FREM1: variants seen among roughly 807,000 people sequenced by gnomAD.
FREM1 encodes FRAS1 related extracellular matrix 1.
In FREM1, 220 loss-of-function variants were observed where a neutral mutation model predicts 210.1. The ratio of observed to expected loss-of-function variants is 1.05; its 90% CI spans 0.94 to 1.17. FREM1 has a LOEUF of 1.17. Among genes scored for constraint, FREM1 ranks in the 50% most tolerant of loss-of-function variants. FREM1 has a pLI of 0.00. For synonymous variants in FREM1, 1,189 were observed against 980.2 expected, an observed-to-expected ratio of 1.21 and a Z score of -3.98; for missense variants, 3,454 against 2,675.5, an observed-to-expected ratio of 1.29 and a Z score of -6.42.
At chr9:14,779,262 T>A (rs1849254484) in intron 24 of FREM1, among the ~76,000 whole-genome samples, 1 of 152,232 alleles carries the variant, frequency 6.6e-6, no homozygotes, top group African/African-American at 2.4e-5. Flanking sequence ...CTGTATCAAG[T>A]GTGCTCTGTG....
At chr9:14,746,319 A>G in intron 35 of FREM1, 34 bp downstream of exon 35, 1 of 1,439,324 alleles carries the variant, frequency 6.9e-7, no homozygotes, top group Non-Finnish European at 9.7e-7. Context: ...AGAGAAAAGA[A>G]AACACCAATC....
chr9:14,836,905 A>T lies in FREM1; in HGVS notation c.1881+4542T>A, dbSNP rs10810266. ...TGTGGTAGGAGTTATTAAGAAAAAG[A>T]AATTATTTTATGCAGATAGAGAGGA... On this transcript the variant is annotated intron_variant, in intron 10 of 36. Coordinates refer to ENST00000380880, the MANE Select transcript of FREM1 (RefSeq NM_001379081.2). The surrounding 1 kb of genome is among the most constrained non-coding windows in gnomAD (Gnocchi z 4.9). Among the ~76,000 whole-genome samples the T allele has an allele frequency of 0.059, 9,042 of 152,260 alleles. 476 individuals are homozygous for T. Among genetic ancestry groups the T allele is most frequent in the East Asian group, 0.25 (1,267 of 5,162 alleles).
Position 14,812,814 on chromosome 9 carries a change from G to C in FREM1, c.2891C>G (p.Thr964Arg), listed in dbSNP as rs780914696. 9.3e-6 allele frequency: 15 copies of C among 1,604,908 alleles called. No individual in the cohort carries two copies. The African/African-American group carries it at 1.9e-4, about 20-fold the overall frequency. The change falls in exon 16 of 37, where the codon ACA becomes AGA. Residue 964 changes from threonine to arginine, a missense_variant and splice_region_variant. Thr to Arg is a moderately conservative substitution (Grantham distance 71, BLOSUM62 -1). Transcript: ENST00000380880. ...CTGGTCACCATGCTGCTGCTTACCT[G>C]TGTGTTTGTATGTCACGGCCTCTGA... ...VISEAVTYKH[T>R]GGEIGLMPCF...
rs747957307 is a variant in FREM1 at position 14,769,779 on chromosome 9, C to A, written c.5149G>T (p.Asp1717Tyr). The stretch of plus-strand genomic sequence containing the variant: ...TCCATGATTTGAAATTCCACGGTAT[C>A]TGAATTTACTTCCAAAGATGGGTTT... ...IINPSLEVNS[D>Y]TVEFQIMDPT... The change falls in exon 27 of 37, where the codon GAT becomes TAT. Residue 1717 changes from aspartate to tyrosine, a missense_variant. Coordinates refer to ENST00000380880, the MANE Select transcript of FREM1 (RefSeq NM_001379081.2). 1.2e-6 allele frequency: 2 copies of A among 1,610,068 alleles called. No individual in the cohort carries two copies. Among genetic ancestry groups the A allele is most frequent in the Non-Finnish European group, 1.7e-6 (2 of 1,176,854 alleles).
chr9:14,781,946 C>G (rs1291523107), intron 24 of FREM1, among the ~76,000 whole-genome samples: 3 of 152,230 alleles, frequency 2.0e-5, no homozygotes, highest in African/African-American at 7.2e-5. Flanking sequence ...CTCAGGTGAT[C>G]CACCTGCCTC....
At position 14,852,167 on chromosome 9, in the gene FREM1, G is replaced by A. The variant is rs143896307; in HGVS notation, c.829-560C>T. Among the ~76,000 whole-genome samples the A allele has an allele frequency of 2.0e-5, 3 of 152,268 alleles. No homozygotes were observed. In the East Asian group the frequency reaches 5.8e-4, roughly 29 times the overall value. On this transcript the variant is annotated intron_variant, in intron 5 of 36. Coordinates refer to ENST00000380880, the MANE Select transcript of FREM1 (RefSeq NM_001379081.2). The stretch of plus-strand genomic sequence containing the variant: ...GGCAGGAGAAGGATGAAGGAAATAT[G>A]TCTTTATGATTTGGTTCTCATGCAA...
At chr9:14,870,752 C>A (rs1832504319) in intron 1 of FREM1, among the ~76,000 whole-genome samples, 1 of 151,348 alleles carries the variant, frequency 6.6e-6, no homozygotes, top group Non-Finnish European at 1.5e-5. Flanking sequence ...GTGCTGCACC[C>A]ATTAACTCGT....
Position 14,797,559 on chromosome 9 carries a change from T to C in FREM1, c.3778A>G (p.Ile1260Val). Residue 1260 changes from isoleucine (I) to valine (V), a missense_variant, in exon 21 of 37, where the codon ATA (isoleucine) becomes GTA (valine). Transcript: ENST00000380880. Reference protein sequence around the residue: ...TIQLSDGKHKILKTISVEVIP... With the variant: ...TIQLSDGKHKVLKTISVEVIP... ...ACCTCTACTGAAATGGTTTTAAGTA[T>C]CTTATGTTTCCCATCTGACAATTGG... 6.2e-7 allele frequency: 1 copy of C among 1,612,386 alleles called. No individual in the cohort carries two copies. Among genetic ancestry groups the C allele is most frequent in the Non-Finnish European group, 8.5e-7 (1 of 1,178,480 alleles).
intron 3 of FREM1, among the ~76,000 whole-genome samples, chr9:14,861,210 TACATATATAC>T (rs754819352): frequency 0.035 from 2,783 of 79,950 alleles, 376 homozygotes; most frequent in Non-Finnish European, 0.047. Flanking sequence ...TACACACATA[TACATATATAC>T]ACATATATAC....
At chr9:14,780,692 A>C (rs1849521390) in intron 24 of FREM1, among the ~76,000 whole-genome samples, 1 of 152,198 alleles carries the variant, frequency 6.6e-6, no homozygotes, top group African/African-American at 2.4e-5. Context: ...CATAGCTTAC[A>C]TTAAAAATGG....
chr9:14,856,025 T>C (rs1217553806), intron 5 of FREM1, among the ~76,000 whole-genome samples: 2 of 152,162 alleles, frequency 1.3e-5, no homozygotes, highest in African/African-American at 4.8e-5. Flanking sequence ...CACTATAAAA[T>C]AGGAAGCTTG....
At chr9:14,909,070 C>T (rs1355831409) in intron 1 of FREM1, among the ~76,000 whole-genome samples, 1 of 152,108 alleles carries the variant, frequency 6.6e-6, no homozygotes, top group African/African-American at 2.4e-5. Context: ...TTCTGTGAAG[C>T]AGCACCACAG....
chr9:14,887,011 T>G (rs933825854), intron 1 of FREM1, among the ~76,000 whole-genome samples: 1 of 152,094 alleles, frequency 6.6e-6, no homozygotes, highest in Non-Finnish European at 1.5e-5. Flanking sequence ...ATAAATCAAA[T>G]TTAAAGTTTT....
In FREM1 at chr9:14,857,717, TC is replaced by T. The variant is rs1379784983; in HGVS notation, c.663del (p.Ser222AlafsTer6). Reference sequence around the variant, plus strand: ...ATTTTCTTTAATCCTGGGGTACAGCTCCCACCTGGACACTTCAGTTTTGCTC... The same window carrying T: ...ATTTTCTTTAATCCTGGGGTACAGCTCCACCTGGACACTTCAGTTTTGCTC... ...QLRAKLKCPG[G>X]SCTPGLKKIG... On this transcript the variant is annotated frameshift_variant, in exon 5 of 37. Coordinates refer to ENST00000380880, the MANE Select transcript of FREM1 (RefSeq NM_001379081.2). LOFTEE classifies it high-confidence loss of function. 1 of 1,611,094 alleles carries T rather than the reference TC, an allele frequency of 6.2e-7. No homozygotes were observed. Among genetic ancestry groups the T allele is most frequent in the Non-Finnish European group, 8.5e-7 (1 of 1,178,382 alleles).
In FREM1 at chr9:14,784,502, G is replaced by T; in HGVS notation, c.4310C>A (p.Pro1437Gln). The change falls in exon 24 of 37, where the codon CCG (proline) becomes CAG (glutamine). Residue 1437 changes from proline to glutamine, a missense_variant. Pro to Gln is a moderately conservative substitution (Grantham distance 76). Coordinates refer to ENST00000380880, the MANE Select transcript of FREM1 (RefSeq NM_001379081.2). ...AACATATTCGATCTGGCCATATCGC[G>T]GAGGGGAGGTGATGACATAGAGCAG... is the stretch of plus-strand genomic sequence containing the variant. ...EELLYVITSP[P>Q]RYGQIEYVHY... 6.2e-7 allele frequency: 1 copy of T among 1,613,872 alleles called. No homozygotes were observed. The highest frequency in any genetic ancestry group is 8.5e-7 in the Non-Finnish European group (1 of 1,179,834).
chr9:14,848,570 G>T, intron 7 of FREM1, 95 bp downstream of exon 7: 1 of 592,472 alleles, frequency 1.7e-6, no homozygotes, highest in Non-Finnish European at 3.0e-6. Flanking sequence ...CCACATGTAT[G>T]ACATAGGAAT....
intron 1 of FREM1, among the ~76,000 whole-genome samples, chr9:14,874,662 T>C (rs1405839419): frequency 1.3e-5 from 2 of 152,102 alleles, no homozygotes; most frequent in African/African-American, 4.8e-5. Flanking sequence ...ATTTAGTCCA[T>C]TGACATTTAA....
chr9:14,891,971 A>T (rs1036347218), intron 1 of FREM1, among the ~76,000 whole-genome samples: 3 of 152,164 alleles, frequency 2.0e-5, no homozygotes, highest in African/African-American at 7.2e-5. Context: ...TGCTCTGTCT[A>T]TGGAGTAGCC....
chr9:14,832,356 A>G (rs1823723305), intron 10 of FREM1, among the ~76,000 whole-genome samples: 1 of 152,172 alleles, frequency 6.6e-6, no homozygotes, highest in African/African-American at 2.4e-5. Context: ...GACCGTACAC[A>G]GAGTTGGCAA....
Sources: gnomAD v4.1 joint callset for allele counts (sites outside exome capture counted in the v4.1 genomes callset) on GRCh38, gnomAD v4.1.1 for gene constraint, Gnocchi (gnomAD v3.1) non-coding constraint, MANE v1.5 for transcripts, NCBI Gene and HGNC (gene_info 2026-07-23, HGNC 2026-07-21) for gene names.